FAM81B: variants seen among roughly 807,000 people sequenced by gnomAD.
The protein encoded by FAM81B is family with sequence similarity 81 member B, also known as protein FAM81B.
In FAM81B, 60 loss-of-function variants were observed where a neutral mutation model predicts 58.7. That is an observed-to-expected ratio of 1.02 (90% CI 0.83 to 1.27). The LOEUF (loss-of-function observed/expected upper bound fraction) is 1.27, where lower values mean the gene tolerates loss of function less well. Ranked by LOEUF, FAM81B falls within the 50% of genes most tolerant of loss-of-function variation. FAM81B has a pLI of 0.00. For missense variants in FAM81B, 491 were observed against 522.0 expected, an observed-to-expected ratio of 0.94 and a Z score of 0.58; for synonymous variants, 189 against 179.6, an observed-to-expected ratio of 1.05 and a Z score of -0.42.
chr5:95,440,018 C>T, intron 7 of FAM81B: 3 of 376,880 alleles, frequency 8.0e-6, no homozygotes, highest in South Asian at 6.6e-5. Context: ...GACCTGGTCT[C>T]TAAAAAAGTC....
chr5:95,406,856 C>G (rs1024037615), intron 3 of FAM81B, among the ~76,000 whole-genome samples: 6 of 152,108 alleles, frequency 3.9e-5, no homozygotes, highest in Non-Finnish European at 4.4e-5. Flanking sequence ...TCCTTTCTTT[C>G]TGCACTTTGT....
At chr5:95,399,332 G>A (rs1188142416) in intron 3 of FAM81B, among the ~76,000 whole-genome samples, 1 of 152,206 alleles carries the variant, frequency 6.6e-6, no homozygotes, top group Admixed American at 6.5e-5. Context: ...TTACTACATG[G>A]TGAAGAGAGA....
At chr5:95,413,059 C>T (rs1485446848) in intron 3 of FAM81B, among the ~76,000 whole-genome samples, 1 of 152,130 alleles carries the variant, frequency 6.6e-6, no homozygotes, top group East Asian at 1.9e-4. Flanking sequence ...TTGTGGAATT[C>T]TTTTTATTCT....
intron 5 of FAM81B, chr5:95,424,212 A>C: frequency 7.8e-7 from 1 of 1,289,812 alleles, no homozygotes; most frequent in Non-Finnish European, 1.0e-6. Context: ...ATTCAAAGAC[A>C]TAATAGTTAT....
chr5:95,414,258 C>T, intron 4 of FAM81B, 68 bp downstream of exon 4: 1 of 1,495,784 alleles, frequency 6.7e-7, no homozygotes, highest in East Asian at 2.3e-5. Context: ...TAAAGATTAT[C>T]AACCATCAGT....
At chr5:95,422,876 T>C (rs1762724221) in intron 5 of FAM81B, among the ~76,000 whole-genome samples, 1 of 152,224 alleles carries the variant, frequency 6.6e-6, no homozygotes, top group Admixed American at 6.5e-5. Flanking sequence ...TGCGTTTTGC[T>C]TACCTTCCCC....
rs531474420 is a variant in FAM81B at position 95,393,654 on chromosome 5, T to C, written c.228+757T>C. On this transcript the variant is annotated intron_variant, in intron 2 of 9. Coordinates refer to ENST00000283357, the MANE Select transcript of FAM81B (RefSeq NM_152548.3). ...CTCTGATCCTGAAGCTCCTCACCTA[T>C]AAAAAATAGTCATCTTAATTTCTTT... Among the ~76,000 whole-genome samples the C allele has an allele frequency of 2.5e-4, 38 of 152,270 alleles. No individual in the cohort carries two copies. In the East Asian group the frequency reaches 6.9e-3, roughly 28 times the overall value.
chr5:95,397,938 G>T (rs968568815), intron 3 of FAM81B, among the ~76,000 whole-genome samples: 8 of 152,142 alleles, frequency 5.3e-5, no homozygotes, highest in Admixed American at 3.9e-4. Flanking sequence ...GAATACACTT[G>T]ATGAACTGTA....
At chr5:95,415,658 C>A (rs183445202) in intron 4 of FAM81B, among the ~76,000 whole-genome samples, 1 of 152,148 alleles carries the variant, frequency 6.6e-6, no homozygotes, top group African/African-American at 2.4e-5. Flanking sequence ...CAAGTAAGTA[C>A]AGCATAGTGC....
chr5:95,450,338 T>C lies in FAM81B; in HGVS notation c.*56T>C. The C allele has an allele frequency of 6.9e-6, 11 of 1,589,242 alleles. No individual in the cohort carries two copies. Among genetic ancestry groups the C allele is most frequent in the East Asian group, 2.3e-5 (1 of 43,810 alleles). On this transcript the variant is annotated 3_prime_UTR_variant, in exon 10 of 10. Coordinates refer to ENST00000283357, the MANE Select transcript of FAM81B (RefSeq NM_152548.3). ...CAATGGAGTGATTTGTTGGAAAAAG[T>C]TCTGAAGAAGAAAGTTACTATCTCT...
chr5:95,443,022 T>A (rs950024158), intron 7 of FAM81B, among the ~76,000 whole-genome samples: 2 of 152,220 alleles, frequency 1.3e-5, no homozygotes, highest in African/African-American at 4.8e-5. Flanking sequence ...GAGAGCCTGC[T>A]AGCAGTAATA....
rs751339959 is a variant in FAM81B at position 95,450,195 on chromosome 5, GA to G, written c.1276del (p.Thr426GlnfsTer5). The G allele has an allele frequency of 1.2e-6, 2 of 1,612,914 alleles. No individual in the cohort carries two copies. The highest frequency in any genetic ancestry group is 2.2e-5 in the South Asian group (2 of 90,956). ...CTCTCAGCTCCCTCCAACAAATACA[GA>G]AAACAAAGATGGATTTAGAGAAATA... Reference protein sequence around the residue: ...DSLSSLQQIQKTKMDLEKYKV... With the variant: ...DSLSSLQQIQXTKMDLEKYKV... On this transcript the variant is annotated frameshift_variant, in exon 10 of 10. Coordinates refer to ENST00000283357, the MANE Select transcript of FAM81B (RefSeq NM_152548.3). LOFTEE classifies it high-confidence loss of function.
intron 7 of FAM81B, among the ~76,000 whole-genome samples, chr5:95,439,260 A>ATATATATATATATATATATATATATG (rs1745227043): frequency 6.9e-6 from 1 of 144,438 alleles, no homozygotes; most frequent in Admixed American, 7.0e-5. Context: ...ATATATATAT[A>ATATATATATATATATATATATATATG]TATATGTATA....
chr5:95,436,415 G>A (rs1745102874), intron 6 of FAM81B, among the ~76,000 whole-genome samples: 3 of 152,082 alleles, frequency 2.0e-5, no homozygotes, highest in Admixed American at 2.0e-4. Context: ...AGGATATGGT[G>A]GTAATAGCAT....
At chr5:95,397,919 T>C (rs1374463440) in intron 3 of FAM81B, among the ~76,000 whole-genome samples, 1 of 152,222 alleles carries the variant, frequency 6.6e-6, no homozygotes, top group Admixed American at 6.5e-5. Context: ...TAGCCTATCA[T>C]GATGTACTGA....
chr5:95,430,618 A>G (rs74712439), intron 6 of FAM81B, among the ~76,000 whole-genome samples: 7,907 of 152,100 alleles, frequency 0.052, 239 homozygotes, highest in South Asian at 0.14. Flanking sequence ...CAATGCTGCA[A>G]TGAATAACCT....
chr5:95,423,326 A>G (rs921858305), intron 5 of FAM81B, among the ~76,000 whole-genome samples: 2 of 152,156 alleles, frequency 1.3e-5, no homozygotes, highest in African/African-American at 4.8e-5. Flanking sequence ...CCTGCTTTTG[A>G]TACCCTGTCC....
chr5:95,429,296 A>G (rs1561307373), intron 6 of FAM81B, among the ~76,000 whole-genome samples: 1 of 152,138 alleles, frequency 6.6e-6, no homozygotes, highest in Non-Finnish European at 1.5e-5. Flanking sequence ...ATCTTCCTCT[A>G]GTTTGTGCTC....
Position 95,398,991 on chromosome 5 carries a change from G to A in FAM81B, c.293+2816G>A, listed in dbSNP as rs535307217. On this transcript the variant is annotated intron_variant, in intron 3 of 9. Transcript: ENST00000283357. ...TGAATCCTGAGTTTCTGCTGCCCAT[G>A]AGGCAAATTCCAACTTTCCTGAACA... Among the ~76,000 whole-genome samples the A allele has an allele frequency of 2.6e-5, 4 of 152,356 alleles. No homozygotes were observed. The South Asian group carries it at 8.3e-4, about 32-fold the overall frequency.
Sources: gnomAD v4.1 joint callset for allele counts (sites outside exome capture counted in the v4.1 genomes callset) on GRCh38, gnomAD v4.1.1 for gene constraint, MANE v1.5 for transcripts, NCBI Gene and HGNC (gene_info 2026-07-23, HGNC 2026-07-21) for gene names.